UBE2D2: variants seen among roughly 807,000 people sequenced by gnomAD.
UBE2D2 encodes the protein ubiquitin-conjugating enzyme E2 D2.
A neutral mutation model predicts 24.2 loss-of-function variants in UBE2D2; 2 were observed. That is an observed-to-expected ratio of 0.08 (90% confidence interval 0.03 to 0.26). The LOEUF (loss-of-function observed/expected upper bound fraction) is 0.26. Among genes scored for constraint, UBE2D2 ranks in the 10% least tolerant of loss-of-function variants. UBE2D2 has a pLI of 1.00. For missense variants in UBE2D2, 44 were observed against 177.6 expected, an observed-to-expected ratio of 0.25 and a Z score of 4.28; for synonymous variants, 58 against 56.5, an observed-to-expected ratio of 1.03 and a Z score of -0.12.
intron 1 of UBE2D2, among the ~76,000 whole-genome samples, chr5:139,550,740 C>T (rs974025219): frequency 6.6e-6 from 1 of 151,874 alleles, no homozygotes; most frequent in Non-Finnish European, 1.5e-5. Context: ...GACGCGCTGC[C>T]TTAAGAGGTG....
rs182507853 is a variant in UBE2D2 at position 139,534,306 on chromosome 5, C to T, written c.-64+7694C>T. On this transcript the variant is annotated intron_variant, in intron 1 of 6. Coordinates refer to the UBE2D2 transcript ENST00000511725. ...AATTAGCCAGGGGCAGTGGCTCACG[C>T]CTGTAATCCCAGCACTTTGGAAGCC... is the stretch of plus-strand genomic sequence containing the variant. Among the ~76,000 whole-genome samples the T allele has an allele frequency of 2.2e-3, 335 of 152,066 alleles. 2 individuals are homozygous for T. The highest frequency in any genetic ancestry group is 7.7e-3 in the African/African-American group (321 of 41,532).
chr5:139,564,538 C>A (rs1348771048), intron 1 of UBE2D2, among the ~76,000 whole-genome samples: 1 of 151,962 alleles, frequency 6.6e-6, no homozygotes. Context: ...ACTGCAACTT[C>A]CGCTTCCTGG....
intron 2 of UBE2D2, among the ~76,000 whole-genome samples, chr5:139,603,107 A>T (rs969187336): frequency 6.6e-6 from 1 of 152,192 alleles, no homozygotes; most frequent in African/African-American, 2.4e-5. Flanking sequence ...CCACTGTATC[A>T]TATGGGCCAC....
At chr5:139,566,145 A>C (rs575650267) in intron 1 of UBE2D2, among the ~76,000 whole-genome samples, 188 of 151,876 alleles carry the variant, frequency 1.2e-3, no homozygotes, top group Non-Finnish European at 2.0e-3. Flanking sequence ...CAGACTCCCA[A>C]GTAGCTGGGA....
upstream of UBE2D2, among the ~76,000 whole-genome samples, chr5:139,557,245 T>C (rs186605150): frequency 0.021 from 3,124 of 152,088 alleles, 45 homozygotes; most frequent in Non-Finnish European, 0.025. Context: ...GTGATTCTCC[T>C]GCCTCAGCCT....
rs1001607022 is a variant in UBE2D2, at chr5:139,587,418, C to T, written c.25-12954C>T. 3.3e-5 allele frequency among the ~76,000 whole-genome samples: 5 copies of T among 152,104 alleles called. No individual in the cohort carries two copies. The East Asian group carries it at 5.8e-4, about 18-fold the overall frequency. On this transcript the variant is annotated intron_variant, in intron 1 of 6. Coordinates refer to ENST00000398733, the MANE Select transcript of UBE2D2 (RefSeq NM_003339.3). ...ACATGGATGAGGCCGTGGTGGCTCA[C>T]GCCTGTATTCCCAGCACTTTGGGAG...
chr5:139,613,803 A>G (rs140141776), intron 2 of UBE2D2, among the ~76,000 whole-genome samples: 2 of 152,322 alleles, frequency 1.3e-5, no homozygotes, highest in East Asian at 3.9e-4. Flanking sequence ...AAAAGGAGTC[A>G]TGCCTGTAAT....
chr5:139,585,096 C>T (rs1753700532), intron 1 of UBE2D2, among the ~76,000 whole-genome samples: 1 of 151,564 alleles, frequency 6.6e-6, no homozygotes, highest in African/African-American at 2.4e-5. Flanking sequence ...GACAGGGCTT[C>T]TCCATGTTGG....
In UBE2D2 at chr5:139,585,935, C is replaced by CAAA. The variant is rs60277561; in HGVS notation, c.25-14413_25-14411dup. Among the ~76,000 whole-genome samples, 51 of 25,536 alleles carry CAAA rather than the reference C, an allele frequency of 2.0e-3. 3 individuals are homozygous for CAAA. The highest frequency in any genetic ancestry group is 3.1e-3 in the African/African-American group (34 of 10,944). 16.8% of individuals were successfully genotyped at this position (25,536 alleles called of 152,430 possible). A position where few individuals can be genotyped will look rare whatever the true frequency, so the allele number is the denominator to read the frequency against. Reference sequence around the variant, plus strand: ...CTGGCAACAGAGCGAGACTCTGTCTCAAAAAAAAAAAAAAAAAAAAAAAAA... The same window carrying CAAA: ...CTGGCAACAGAGCGAGACTCTGTCTCAAAAAAAAAAAAAAAAAAAAAAAAAAAA... On this transcript the variant is annotated intron_variant, in intron 1 of 6. Coordinates refer to ENST00000398733, the MANE Select transcript of UBE2D2 (RefSeq NM_003339.3).
chr5:139,626,286 T>C (rs1397616931), intron 6 of UBE2D2, among the ~76,000 whole-genome samples: 1 of 152,070 alleles, frequency 6.6e-6, no homozygotes, highest in African/African-American at 2.4e-5. Context: ...CCCAGGCTGG[T>C]GTGAAACGCC....
At chr5:139,582,916 C>T (rs1164507105) in intron 1 of UBE2D2, among the ~76,000 whole-genome samples, 2 of 151,660 alleles carry the variant, frequency 1.3e-5, no homozygotes, top group South Asian at 2.1e-4. Flanking sequence ...ATGATCTGCC[C>T]GCCTCGGCCT....
At chr5:139,539,117 C>T (rs529352729) in intron 1 of UBE2D2, among the ~76,000 whole-genome samples, 57 of 151,946 alleles carry the variant, frequency 3.8e-4, no homozygotes, top group African/African-American at 1.3e-3. Flanking sequence ...CTCCACCTCC[C>T]GGGTTCAAGT....
At chr5:139,563,973 T>C (rs1753164601) in intron 1 of UBE2D2, among the ~76,000 whole-genome samples, 1 of 152,140 alleles carries the variant, frequency 6.6e-6, no homozygotes, top group South Asian at 2.1e-4. Flanking sequence ...CTACATTGAA[T>C]TATATGTGTA....
chr5:139,538,394 A>C (rs919528122), intron 1 of UBE2D2, among the ~76,000 whole-genome samples: 8 of 152,212 alleles, frequency 5.3e-5, no homozygotes, highest in Admixed American at 1.3e-4. Context: ...CCATCAGCAG[A>C]TGAAGGGATA....
At chr5:139,584,633 A>G (rs1234925006) in intron 1 of UBE2D2, among the ~76,000 whole-genome samples, 1 of 143,650 alleles carries the variant, frequency 7.0e-6, no homozygotes, top group Non-Finnish European at 1.5e-5. Flanking sequence ...CCTGGGTTCC[A>G]GCGATTCTCC....
At chr5:139,583,389 G>C (rs1581508452) in intron 1 of UBE2D2, among the ~76,000 whole-genome samples, 2 of 152,250 alleles carry the variant, frequency 1.3e-5, no homozygotes, top group East Asian at 3.9e-4. Context: ...ACGTTAATTA[G>C]CTCAATTTAG....
Position 139,586,839 on chromosome 5 carries a change from C to T in UBE2D2, c.25-13533C>T, listed in dbSNP as rs145039216. Reference sequence around the variant, plus strand: ...TGTTTTATGTTAGGGTAATCAGCATCTTCTTTTGTTAAACAGAATTTTAGT... The same window carrying T: ...TGTTTTATGTTAGGGTAATCAGCATTTTCTTTTGTTAAACAGAATTTTAGT... On this transcript the variant is annotated intron_variant, in intron 1 of 6. Transcript: ENST00000398733. Among the ~76,000 whole-genome samples the T allele has an allele frequency of 2.4e-4, 36 of 152,240 alleles. No individual in the cohort carries two copies. In the East Asian group the frequency reaches 4.0e-3, roughly 17 times the overall value.
chr5:139,588,784 T>G lies in UBE2D2; in HGVS notation c.25-11588T>G, dbSNP rs571415282. On this transcript the variant is annotated intron_variant, in intron 1 of 6. Coordinates refer to ENST00000398733, the MANE Select transcript of UBE2D2 (RefSeq NM_003339.3). The stretch of plus-strand genomic sequence containing the variant: ...TGGAACCTGATGTAACTTCTTTTGT[T>G]TTTTGAGATAGGGTCTTGCCCTGTC... Among the ~76,000 whole-genome samples, 17 of 152,206 alleles carry G rather than the reference T, an allele frequency of 1.1e-4. 1 individual carries two copies. The South Asian group carries it at 3.5e-3, about 32-fold the overall frequency.
At chr5:139,571,741 C>T (rs1561506536) in intron 1 of UBE2D2, among the ~76,000 whole-genome samples, 2 of 151,670 alleles carry the variant, frequency 1.3e-5, no homozygotes, top group African/African-American at 4.8e-5. Flanking sequence ...CTCTCTCTCT[C>T]TTTCCCTCTT....
Sources: allele counts gnomAD v4.1 joint callset (sites outside exome capture counted in the v4.1 genomes callset), GRCh38; gene constraint gnomAD v4.1.1; transcripts MANE v1.5; gene names NCBI Gene and HGNC (gene_info 2026-07-23, HGNC 2026-07-21).